NELL2: variants seen among roughly 807,000 people sequenced by gnomAD.
NELL2 encodes protein kinase C-binding protein NELL2.
Under a neutral mutation model 109.6 loss-of-function variants are expected in NELL2, and 41 were observed. The observed-to-expected ratio is 0.37, with a 90% CI of 0.29 to 0.49. The LOEUF (loss-of-function observed/expected upper bound fraction) is 0.49, where lower values mean the gene tolerates loss of function less well. Ranked by LOEUF, NELL2 falls within the 20% of genes least tolerant of loss-of-function variation. NELL2 has a pLI of 0.98. For missense variants in NELL2, 900 were observed against 1,008.3 expected (o/e 0.89, Z 1.45); for synonymous variants, 355 against 344.7 (o/e 1.03, Z -0.33).
upstream of NELL2, among the ~76,000 whole-genome samples, chr12:44,879,127 G>A (rs1199722474): frequency 6.6e-6 from 1 of 152,106 alleles, no homozygotes; most frequent in South Asian, 2.1e-4. Flanking sequence ...ATGAAGATGG[G>A]AAAATATAGA....
At position 44,547,655 on chromosome 12, in the gene NELL2, G is replaced by T. The variant is rs140182932; in HGVS notation, c.1664-14934C>A. Among the ~76,000 whole-genome samples, 4 of 152,196 alleles carry T rather than the reference G, an allele frequency of 2.6e-5. No homozygotes were observed. In the East Asian group the frequency reaches 7.7e-4, roughly 29 times the overall value. The stretch of plus-strand genomic sequence containing the variant: ...CAGAGTTGATGAATAAAACCAGAAT[G>T]AATTACAAGAGTGGTTTGTATGTGC... On this transcript the variant is annotated intron_variant, in intron 15 of 19. Transcript: ENST00000429094.
upstream of NELL2, among the ~76,000 whole-genome samples, chr12:44,918,780 G>C (rs268039): frequency 0.018 from 2,768 of 152,174 alleles, 101 homozygotes; most frequent in African/African-American, 0.063. Flanking sequence ...AATGTCCTTT[G>C]TAAGGTGTCA....
chr12:44,910,202 G>A (rs1945764229), intron 1 of NELL2, among the ~76,000 whole-genome samples: 1 of 151,984 alleles, frequency 6.6e-6, no homozygotes, highest in Admixed American at 6.6e-5. Context: ...TAGAACGGGA[G>A]AAAATATTCA....
chr12:44,553,483 C>G (rs189080523), intron 15 of NELL2, among the ~76,000 whole-genome samples: 1 of 152,054 alleles, frequency 6.6e-6, no homozygotes, highest in Non-Finnish European at 1.5e-5. Flanking sequence ...ATAAAGTGCT[C>G]TTCTCCTATT....
upstream of NELL2, among the ~76,000 whole-genome samples, chr12:44,877,640 C>A (rs969344890): frequency 2.0e-5 from 3 of 152,050 alleles, no homozygotes; most frequent in Non-Finnish European, 2.9e-5. Flanking sequence ...TAGATATTAT[C>A]ATATAGTGGA....
At chr12:44,772,239 T>C (rs912031171) in intron 9 of NELL2, among the ~76,000 whole-genome samples, 3 of 151,966 alleles carry the variant, frequency 2.0e-5, no homozygotes, top group Admixed American at 6.6e-5. Context: ...CATAGGAAAA[T>C]AAGACTGTTT....
At chr12:44,685,600 T>G (rs1358244512) in intron 12 of NELL2, among the ~76,000 whole-genome samples, 3 of 152,178 alleles carry the variant, frequency 2.0e-5, no homozygotes, top group African/African-American at 4.8e-5. Context: ...AGCTCTTTTA[T>G]GGCAGCCCTG....
At chr12:44,566,479 T>C (rs550199606) in intron 15 of NELL2, among the ~76,000 whole-genome samples, 1 of 151,558 alleles carries the variant, frequency 6.6e-6, no homozygotes, top group South Asian at 2.1e-4. Flanking sequence ...AAGATATTAA[T>C]CACAAAGTTC....
chr12:44,551,822 C>T (rs542391266), intron 15 of NELL2, among the ~76,000 whole-genome samples: 2 of 152,154 alleles, frequency 1.3e-5, no homozygotes, highest in Admixed American at 1.3e-4. Context: ...TTTAAAAAAA[C>T]CACCAAGTAA....
At chr12:44,793,682 T>C (rs1326461263) in intron 3 of NELL2, among the ~76,000 whole-genome samples, 2 of 152,156 alleles carry the variant, frequency 1.3e-5, no homozygotes, top group African/African-American at 4.8e-5. Context: ...AATAGATAAG[T>C]AATCCATCAA....
chr12:44,531,759 C>T (rs1205414146), intron 16 of NELL2, among the ~76,000 whole-genome samples: 1 of 152,216 alleles, frequency 6.6e-6, no homozygotes, highest in Non-Finnish European at 1.5e-5. Context: ...ACCCCATTAT[C>T]CTCTCAGGCT....
At chr12:44,588,181 A>G (rs1430395257) in intron 15 of NELL2, among the ~76,000 whole-genome samples, 1 of 152,166 alleles carries the variant, frequency 6.6e-6, no homozygotes, top group Admixed American at 6.5e-5. Flanking sequence ...AAAAAAAAAA[A>G]AAAAAGTTGG....
chr12:44,709,068 C>T, intron 11 of NELL2, among the ~76,000 whole-genome samples: 1 of 152,094 alleles, frequency 6.6e-6, no homozygotes, highest in African/African-American at 2.4e-5. Flanking sequence ...TTATCCTACC[C>T]AACCTTGACT....
At chr12:44,906,955 G>A (rs938339206) in intron 1 of NELL2, among the ~76,000 whole-genome samples, 4 of 151,934 alleles carry the variant, frequency 2.6e-5, no homozygotes, top group Non-Finnish European at 5.9e-5. Context: ...CATAATCCCC[G>A]TGTGTCCTGG....
chr12:44,774,592 A>C, intron 9 of NELL2, 155 bp downstream of exon 9: 1 of 651,094 alleles, frequency 1.5e-6, no homozygotes. Flanking sequence ...ATGGAAAAGA[A>C]CTAATCAACC....
rs1371160417 is a variant in NELL2, at chr12:44,610,980, G to A, written c.1445-10C>T. On this transcript the variant is annotated splice_polypyrimidine_tract_variant and intron_variant, in intron 13 of 19. Transcript: ENST00000429094. ...ATACACTCATCATGTTCTGAAATGA[G>A]GAATACAATTTTGTTACTCAAAGTT... is the stretch of plus-strand genomic sequence containing the variant. 5 of 1,610,612 alleles carry A rather than the reference G, an allele frequency of 3.1e-6. No homozygotes were observed. The South Asian group carries it at 3.3e-5, about 11-fold the overall frequency.
At chr12:44,520,856 A>T (rs1941493196) in intron 18 of NELL2, among the ~76,000 whole-genome samples, 1 of 152,142 alleles carries the variant, frequency 6.6e-6, no homozygotes, top group Non-Finnish European at 1.5e-5. Context: ...TTTCTTCATA[A>T]TTCTGAATCT....
chr12:44,617,692 A>G (rs1945882762), intron 13 of NELL2, among the ~76,000 whole-genome samples: 1 of 112,780 alleles, frequency 8.9e-6, no homozygotes, highest in Admixed American at 9.5e-5. Context: ...ACTCCGTCTC[A>G]AAAAAAAAAA....
At chr12:44,712,426 C>G (rs1435506817) in intron 10 of NELL2, among the ~76,000 whole-genome samples, 1 of 151,934 alleles carries the variant, frequency 6.6e-6, no homozygotes. Context: ...AATATCAGTT[C>G]TGGTAATCTG....
Sources: gnomAD v4.1 joint callset for allele counts (sites outside exome capture counted in the v4.1 genomes callset) on GRCh38, gnomAD v4.1.1 for gene constraint, MANE v1.5 for transcripts, NCBI Gene and HGNC (gene_info 2026-07-23, HGNC 2026-07-21) for gene names.